Variants in CCSER1 observed in about 807,000 individuals in gnomAD.
CCSER1 encodes the protein serine-rich coiled-coil domain-containing protein 1.
A neutral mutation model predicts 82.0 loss-of-function variants in CCSER1; 41 were observed. The ratio of observed to expected loss-of-function variants is 0.50; its 90% CI spans 0.39 to 0.65. The LOEUF (loss-of-function observed/expected upper bound fraction) is 0.65, where lower values mean the gene tolerates loss of function less well. Among genes scored for constraint, CCSER1 ranks in the 30% least tolerant of loss-of-function variants. The pLI, the probability that CCSER1 is intolerant of heterozygous loss-of-function variation, is 0.00. For missense variants in CCSER1, 1,119 were observed against 1,064.2 expected, an observed-to-expected ratio of 1.05 and a Z score of -0.72; for synonymous variants, 414 against 383.9, an observed-to-expected ratio of 1.08 and a Z score of -0.92.
At chr4:90,626,467 A>G (rs1267115626) in intron 5 of CCSER1, among the ~76,000 whole-genome samples, 1 of 152,254 alleles carries the variant, frequency 6.6e-6, no homozygotes, top group Non-Finnish European at 1.5e-5. Context: ...ATGACTGTAT[A>G]GTTCGTTGCA....
chr4:90,913,185 G>A (rs1186517811), intron 8 of CCSER1, among the ~76,000 whole-genome samples: 1 of 152,070 alleles, frequency 6.6e-6, no homozygotes, highest in African/African-American at 2.4e-5. Flanking sequence ...ACACGTAGTT[G>A]TCAGAACCAA....
intron 6 of CCSER1, among the ~76,000 whole-genome samples, chr4:90,665,537 G>A (rs1463350713): frequency 6.6e-6 from 1 of 151,996 alleles, no homozygotes; most frequent in Admixed American, 6.6e-5. Context: ...TAGCCAGGAT[G>A]GTCTCGATCT....
At chr4:90,961,243 C>G (rs1734025741) in intron 9 of CCSER1, among the ~76,000 whole-genome samples, 1 of 152,126 alleles carries the variant, frequency 6.6e-6, no homozygotes, top group Non-Finnish European at 1.5e-5. Flanking sequence ...CCTTCTTTTC[C>G]CTATCCAGCA....
intron 9 of CCSER1, among the ~76,000 whole-genome samples, chr4:91,017,500 T>A (rs1219597455): frequency 6.6e-6 from 1 of 152,140 alleles, no homozygotes; most frequent in African/African-American, 2.4e-5. Context: ...GCAGAGTATT[T>A]TGTCACCTAG....
At chr4:90,551,706 C>CTCTATATATATATATATATATATA in intron 5 of CCSER1, among the ~76,000 whole-genome samples, 4 of 104,224 alleles carry the variant, frequency 3.8e-5, no homozygotes, top group Non-Finnish European at 5.3e-5. Flanking sequence ...CTCTCTCTCT[C>CTCTATATATATATATATATATATA]TATATATATA....
chr4:90,135,532 TCA>T (rs1446895324), intron 1 of CCSER1, among the ~76,000 whole-genome samples: 2 of 152,238 alleles, frequency 1.3e-5, no homozygotes, highest in African/African-American at 2.4e-5. Flanking sequence ...ATTTCAATAC[TCA>T]CTCTTGGATT....
At chr4:91,544,693 C>T (rs1761790172) in intron 10 of CCSER1, among the ~76,000 whole-genome samples, 1 of 152,160 alleles carries the variant, frequency 6.6e-6, no homozygotes, top group Non-Finnish European at 1.5e-5. Flanking sequence ...GAGGGGCACC[C>T]TGCTATGTGA....
intron 1 of CCSER1, among the ~76,000 whole-genome samples, chr4:90,180,349 G>T (rs938488522): frequency 2.0e-5 from 3 of 151,972 alleles, no homozygotes; most frequent in Non-Finnish European, 2.9e-5. Flanking sequence ...AGCACTTTGG[G>T]ATGCCAAGGT....
chr4:90,404,958 T>C (rs75927074), intron 4 of CCSER1, among the ~76,000 whole-genome samples: 1,545 of 152,168 alleles, frequency 0.01, 17 homozygotes, highest in South Asian at 0.03. Context: ...ACAATATTCT[T>C]TAACGTTCCC....
chr4:90,147,686 C>CA (rs1560690059), intron 1 of CCSER1, among the ~76,000 whole-genome samples: 1 of 151,942 alleles, frequency 6.6e-6, no homozygotes, highest in East Asian at 1.9e-4. Context: ...GATATGAATA[C>CA]ATCCGTAAAT....
chr4:90,912,316 A>G (rs1050695626), intron 8 of CCSER1, among the ~76,000 whole-genome samples: 5 of 152,192 alleles, frequency 3.3e-5, no homozygotes, highest in African/African-American at 1.2e-4. Flanking sequence ...TCAGGCAGCA[A>G]CATTTGCTGT....
At chr4:90,413,415 C>T (rs1301666767) in intron 4 of CCSER1, among the ~76,000 whole-genome samples, 1 of 152,106 alleles carries the variant, frequency 6.6e-6, no homozygotes, top group Non-Finnish European at 1.5e-5. Flanking sequence ...CTTCAAAACA[C>T]TACCATTATT....
chr4:91,151,225 C>A (rs557126473), intron 10 of CCSER1, among the ~76,000 whole-genome samples: 32 of 152,182 alleles, frequency 2.1e-4, no homozygotes, highest in Middle Eastern at 3.4e-3. Flanking sequence ...GGAATTTATC[C>A]ATTTCTTCTA....
intron 5 of CCSER1, among the ~76,000 whole-genome samples, chr4:90,495,413 T>C (rs1455837014): frequency 6.6e-6 from 1 of 152,186 alleles, no homozygotes; most frequent in Non-Finnish European, 1.5e-5. Flanking sequence ...GACTTTTGCC[T>C]ACTTACTTTA....
intron 10 of CCSER1, among the ~76,000 whole-genome samples, chr4:91,265,344 G>T (rs1006792551): frequency 1.3e-5 from 2 of 152,148 alleles, no homozygotes; most frequent in Non-Finnish European, 1.5e-5. Flanking sequence ...AACAACATAA[G>T]GGTGTGAGCT....
At chr4:90,666,255 A>G (rs1413023303) in intron 6 of CCSER1, among the ~76,000 whole-genome samples, 1 of 152,198 alleles carries the variant, frequency 6.6e-6, no homozygotes, top group Non-Finnish European at 1.5e-5. Context: ...TTAACTGATT[A>G]GTAATTTGAA....
At chr4:90,744,320 C>T (rs909786777) in intron 7 of CCSER1, among the ~76,000 whole-genome samples, 9 of 151,944 alleles carry the variant, frequency 5.9e-5, no homozygotes, top group African/African-American at 1.2e-4. Context: ...AGTAAGGTAC[C>T]GGAAGTGGTC....
At chr4:90,148,183 A>C (rs1018444835) in intron 1 of CCSER1, among the ~76,000 whole-genome samples, 1 of 152,136 alleles carries the variant, frequency 6.6e-6, no homozygotes, top group Non-Finnish European at 1.5e-5. Context: ...AATAATAATA[A>C]TTGTATGTAA....
Position 90,589,715 on chromosome 4 carries a change from G to A in CCSER1, c.1725-38310G>A, listed in dbSNP as rs1464038066. ...ATCTAATATCTAATAATGACTACCT[G>A]CAAGGAGAAATAATCACTCAAGTTG... On this transcript the variant is annotated intron_variant, in intron 5 of 10. Coordinates refer to ENST00000509176, the MANE Select transcript of CCSER1 (RefSeq NM_001145065.2). 2.0e-5 allele frequency among the ~76,000 whole-genome samples: 3 copies of A among 151,922 alleles called. No individual in the cohort carries two copies. The East Asian group carries it at 5.8e-4, about 29-fold the overall frequency.
Sources: allele counts gnomAD v4.1 joint callset (sites outside exome capture counted in the v4.1 genomes callset), GRCh38; gene constraint gnomAD v4.1.1; transcripts MANE v1.5; gene names NCBI Gene and HGNC (gene_info 2026-07-23, HGNC 2026-07-21).